Variants in ZNF471 observed in about 807,000 individuals in gnomAD.
ZNF471 encodes the protein zinc finger protein 471, also known as EZFIT-related protein 1.
ZNF471 carries 7 observed loss-of-function variants against 13.7 expected under a neutral mutation model. The ratio of observed to expected loss-of-function variants is 0.51; its 90% CI spans 0.29 to 0.96. The LOEUF (loss-of-function observed/expected upper bound fraction) is 0.96. Ranked by LOEUF, ZNF471 falls within the 40% of genes least tolerant of loss-of-function variation. The pLI is 0.08. For synonymous variants in ZNF471, 218 were observed against 235.6 expected (o/e 0.93, Z 0.68); for missense variants, 663 against 743.3 (o/e 0.89, Z 1.26).
chr19:56,509,398 A>AT (rs57700534), intron 1 of ZNF471, among the ~76,000 whole-genome samples: 35,071 of 152,162 alleles, frequency 0.23, 4,244 homozygotes, highest in Middle Eastern at 0.26. Context: ...CCTTTGTAAT[A>AT]TCCTTTATTA....
At chr19:56,512,804 T>C (rs1401553993) in intron 2 of ZNF471, among the ~76,000 whole-genome samples, 3 of 152,194 alleles carry the variant, frequency 2.0e-5, no homozygotes, top group African/African-American at 7.2e-5. Context: ...AAATGTGTTT[T>C]CATGACATAC....
chr19:56,525,216 C>T lies in ZNF471; in HGVS notation c.1149C>T (p.Ala383=). Reference sequence around the variant, plus strand: ...TTAATTGCATTGATTGTGGGAAAGCCTTCAGTGTTCACATAGGACTTATTC... The same window carrying T: ...TTAATTGCATTGATTGTGGGAAAGCTTTCAGTGTTCACATAGGACTTATTC... ...KPFNCIDCGK[A]FSVHIGLILH... The change falls in exon 5 of 5, where the codon GCC becomes GCT. Residue 383 remains alanine, a synonymous_variant. Transcript: ENST00000308031. 2 of 1,613,738 alleles carry T rather than the reference C, an allele frequency of 1.2e-6. No homozygotes were observed. Among genetic ancestry groups the T allele is most frequent in the East Asian group, 2.2e-5 (1 of 44,808 alleles).
Position 56,508,336 on chromosome 19 carries a change from TGA to T in ZNF471, c.-56+423_-56+424del, listed in dbSNP as rs769335015. ...GGCCAGTGTGAGAGACCAGTGAGTG[TGA>T]GAGAGATAGGGATGTGCCTGCATTT... On this transcript the variant is annotated intron_variant, in intron 1 of 4. Transcript: ENST00000308031. This position sits in a 1 kb window ranked among gnomAD's most constrained non-coding sequence, Gnocchi z 4.7. 6.6e-6 allele frequency among the ~76,000 whole-genome samples: 1 copy of T among 151,206 alleles called. No individual in the cohort carries two copies. Among genetic ancestry groups the T allele is most frequent in the African/African-American group, 2.4e-5 (1 of 41,098 alleles).
intron 3 of ZNF471, among the ~76,000 whole-genome samples, chr19:56,517,144 C>CT (rs145588906): frequency 0.14 from 17,511 of 126,070 alleles, 1,468 homozygotes; most frequent in Non-Finnish European, 0.19. Context: ...CTCTCGCTCT[C>CT]TTTTTTTTTT....
At chr19:56,513,593 T>C (rs1372423155) in intron 2 of ZNF471, among the ~76,000 whole-genome samples, 1 of 152,132 alleles carries the variant, frequency 6.6e-6, no homozygotes, top group African/African-American at 2.4e-5. Context: ...TTTAATTGTT[T>C]TATGTAATTT....
chr19:56,518,531 A>G lies in ZNF471; in HGVS notation c.210A>G (p.Arg70=). Residue 70 remains arginine, a synonymous_variant, in exon 4 of 5, where the codon AGA becomes AGG. Transcript: ENST00000308031. ...TGATCTCCTTATTGGAGCAAGGGAG[A>G]GAGCCTTGGGAGATGACGAGTGAGA... ...PYVISLLEQG[R]EPWEMTSEMT... 6.2e-7 allele frequency: 1 copy of G among 1,613,674 alleles called. No homozygotes were observed. Among genetic ancestry groups the G allele is most frequent in the Non-Finnish European group, 8.5e-7 (1 of 1,179,858 alleles).
intron 2 of ZNF471, among the ~76,000 whole-genome samples, chr19:56,512,177 C>T (rs2043820785): frequency 8.9e-6 from 1 of 112,862 alleles, no homozygotes; most frequent in South Asian, 2.7e-4. Context: ...CAAATTTCAC[C>T]CTTAACTCCC....
chr19:56,524,903 AG>A lies in ZNF471; in HGVS notation c.837del (p.Gln279HisfsTer110). On this transcript the variant is annotated frameshift_variant, in exon 5 of 5. Coordinates refer to ENST00000308031, the MANE Select transcript of ZNF471 (RefSeq NM_020813.4). LOFTEE classifies it low-confidence loss of function (END_TRUNC). This position sits in a 1 kb window ranked among gnomAD's most constrained non-coding sequence, Gnocchi z 4.8. ...TTCAAACAAAGTGAACACCTTATTC[AG>A]CATCAAAGAATTCATACTGGAGAAA... ...KAFKQSEHLI[Q>X]HQRIHTGEKP... 1 of 1,612,722 alleles carries A rather than the reference AG, an allele frequency of 6.2e-7. No individual in the cohort carries two copies. Among genetic ancestry groups the A allele is most frequent in the South Asian group, 1.1e-5 (1 of 90,770 alleles).
intron 2 of ZNF471, among the ~76,000 whole-genome samples, chr19:56,514,184 C>T (rs1214068670): frequency 6.6e-6 from 1 of 151,136 alleles, no homozygotes; most frequent in African/African-American, 2.4e-5. Context: ...GCCTCGGCCA[C>T]TCGAGTAGCT....
In ZNF471 at chr19:56,525,954, T is replaced by C; in HGVS notation, c.*6T>C. ...ATACTGGAGAAGAACCTTAAGAATG[T>C]AGTGCATGTGGCCAAGCCTTTAGTT... On this transcript the variant is annotated 3_prime_UTR_variant, in exon 5 of 5. Transcript: ENST00000308031. 1 of 1,542,674 alleles carries C rather than the reference T, an allele frequency of 6.5e-7. No individual in the cohort carries two copies. Among genetic ancestry groups the C allele is most frequent in the South Asian group, 1.3e-5 (1 of 77,590 alleles).
rs1258508709 is a variant in ZNF471, at chr19:56,524,513, A to G, written c.446A>G (p.His149Arg). 6.2e-6 allele frequency: 10 copies of G among 1,605,370 alleles called. No individual in the cohort carries two copies. The highest frequency in any genetic ancestry group is 7.6e-6 in the Non-Finnish European group (9 of 1,177,886). Reference sequence around the variant, plus strand: ...TTTAGCAAGAAAGAAATAATCACTCATAAAGAAACCATCACTAAGGAAACA... The same window carrying G: ...TTTAGCAAGAAAGAAATAATCACTCGTAAAGAAACCATCACTAAGGAAACA... ...EMFSKKEIIT[H>R]KETITKETEF... is the part of the protein sequence containing the mutation. Residue 149 changes from histidine (H) to arginine (R), a missense_variant, in exon 5 of 5, where the codon CAT (histidine) becomes CGT (arginine). Transcript: ENST00000308031. The surrounding 1 kb of genome is among the most constrained non-coding windows in gnomAD (Gnocchi z 4.8).
rs1332636128 is a variant in ZNF471, at chr19:56,526,055, C to G, written c.*107C>G. 2.4e-6 allele frequency: 3 copies of G among 1,269,516 alleles called. No homozygotes were observed. Among genetic ancestry groups the G allele is most frequent in the Non-Finnish European group, 3.2e-6 (3 of 938,726 alleles). The allele number at this position is 1,269,516 out of a possible 1,614,324, so 78.6% of individuals were successfully genotyped here. ...TATAAATGTAAGAAATGTAGAAAAA[C>G]CTTCAGCCAGGAGGCTGGCAAGATG... On this transcript the variant is annotated 3_prime_UTR_variant, in exon 5 of 5. Coordinates refer to ENST00000308031, the MANE Select transcript of ZNF471 (RefSeq NM_020813.4).
At position 56,516,338 on chromosome 19, in the gene ZNF471, C is replaced by G. The variant is rs2043888907; in HGVS notation, c.97C>G (p.Pro33Ala). 2 of 1,613,754 alleles carry G rather than the reference C, an allele frequency of 1.2e-6. No homozygotes were observed. Among genetic ancestry groups the G allele is most frequent in the East Asian group, 4.5e-5 (2 of 44,854 alleles). Residue 33 changes from proline to alanine, a missense_variant, in exon 3 of 5, where the codon CCT (proline) becomes GCT (alanine). Coordinates refer to ENST00000308031, the MANE Select transcript of ZNF471 (RefSeq NM_020813.4). The surrounding 1 kb of genome is among the most constrained non-coding windows in gnomAD (Gnocchi z 4.4). ...FSQEEWQWMN[P>A]AQKRLYRSMM... ...CCAGGAAGAATGGCAATGGATGAAC[C>G]CTGCTCAGAAGCGTTTATACAGGAG...
In ZNF471 at chr19:56,515,247, A is replaced by G. The variant is rs76751211; in HGVS notation, c.34-1028A>G. On this transcript the variant is annotated intron_variant, in intron 2 of 4. Transcript: ENST00000308031. ...GCTCCTCTGTCCTTAATAGTCAGCA[A>G]AATTATCCTAAATATTGGAAAGAAT... Among the ~76,000 whole-genome samples, 1,226 of 152,304 alleles carry G rather than the reference A, an allele frequency of 8.0e-3. 20 individuals are homozygous for G. Among genetic ancestry groups the G allele is most frequent in the African/African-American group, 0.027 (1,106 of 41,576 alleles).
At position 56,510,059 on chromosome 19, in the gene ZNF471, AC is replaced by A. The variant is rs2043790103; in HGVS notation, c.-55-1456del. 4.1e-6 allele frequency: 4 copies of A among 985,580 alleles called. No homozygotes were observed. The highest frequency in any genetic ancestry group is 4.8e-6 in the Non-Finnish European group (4 of 830,038). The allele number at this position is 985,580 out of a possible 1,614,324, so 61.1% of individuals were successfully genotyped here. ...GTATGTTGGTGTGAGTGTGTGAGAG[AC>A]CAATGGGTATGTGAGAGACTAGAGT... On this transcript the variant is annotated intron_variant, in intron 1 of 4. Transcript: ENST00000308031. The surrounding 1 kb of genome is among the most constrained non-coding windows in gnomAD (Gnocchi z 4.3).
chr19:56,518,616 A>G (rs773358777), intron 4 of ZNF471, 39 bp downstream of exon 4: 19 of 1,558,508 alleles, frequency 1.2e-5, no homozygotes, highest in African/African-American at 5.4e-5. Flanking sequence ...TCTTTTTGAC[A>G]TAATGGCTCA....
In ZNF471 at chr19:56,526,116, T is replaced by G; in HGVS notation, c.*168T>G. 1.6e-6 allele frequency: 1 copy of G among 621,338 alleles called. No individual in the cohort carries two copies. Among genetic ancestry groups the G allele is most frequent in the South Asian group, 2.7e-5 (1 of 36,906 alleles). The allele number at this position is 621,338 out of a possible 1,614,324, so 38.5% of individuals were successfully genotyped here. A position where few individuals can be genotyped will look rare whatever the true frequency, so the allele number is the denominator to read the frequency against. On this transcript the variant is annotated 3_prime_UTR_variant, in exon 5 of 5. Coordinates refer to ENST00000308031, the MANE Select transcript of ZNF471 (RefSeq NM_020813.4). ...AACAGCTCTGATCTGCAGTTCCCAG[T>G]GAGATCAACGCAGAAGGTGGGTGCT...
At position 56,518,392 on chromosome 19, in the gene ZNF471, T is replaced by C; in HGVS notation, c.161-90T>C. ...TTTATCTCTTATCTAGTATTCCTACTATATCATTCCACCAGAATTAAGGTA... is the reference window on the plus strand; with the variant it reads ...TTTATCTCTTATCTAGTATTCCTACCATATCATTCCACCAGAATTAAGGTA... On this transcript the variant is annotated intron_variant, in intron 3 of 4. Transcript: ENST00000308031. 3 of 937,372 alleles carry C rather than the reference T, an allele frequency of 3.2e-6. No individual in the cohort carries two copies. In the East Asian group the frequency reaches 7.9e-5, roughly 25 times the overall value. 58.1% of individuals were successfully genotyped at this position (937,372 alleles called of 1,614,324 possible). A position where few individuals can be genotyped will look rare whatever the true frequency, so the allele number is the denominator to read the frequency against.
intron 2 of ZNF471, among the ~76,000 whole-genome samples, chr19:56,512,406 C>T: frequency 6.6e-6 from 1 of 151,470 alleles, no homozygotes; most frequent in Non-Finnish European, 1.5e-5. Context: ...TTGTGGTTTT[C>T]TATCATGGTA....
Sources: gnomAD v4.1 joint callset for allele counts (sites outside exome capture counted in the v4.1 genomes callset) on GRCh38, gnomAD v4.1.1 for gene constraint, Gnocchi (gnomAD v3.1) non-coding constraint, MANE v1.5 for transcripts, NCBI Gene and HGNC (gene_info 2026-07-23, HGNC 2026-07-21) for gene names.